Variants in MAJIN observed in about 807,000 individuals in gnomAD.
MAJIN encodes the protein membrane anchored junction protein, also known as membrane-anchored junction protein.
In MAJIN, 27 loss-of-function variants were observed where a neutral mutation model predicts 30.2. The observed-to-expected ratio is 0.89, with a 90% CI of 0.66 to 1.23. The LOEUF is 1.23. Among genes scored for constraint, MAJIN ranks in the 50% most tolerant of loss-of-function variants. The pLI is 0.00. For synonymous variants in MAJIN, 78 were observed against 91.6 expected (o/e 0.85, Z 0.85); for missense variants, 253 against 260.3 (o/e 0.97, Z 0.19).
At chr11:64,942,765 A>G (rs982807051) in intron 8 of MAJIN, among the ~76,000 whole-genome samples, 8 of 152,188 alleles carry the variant, frequency 5.3e-5, no homozygotes, top group Non-Finnish European at 7.4e-5. Context: ...TACCTTTTCT[A>G]TAGAGAGTGG....
intron 3 of MAJIN, among the ~76,000 whole-genome samples, chr11:64,956,676 T>C (rs1378374329): frequency 6.6e-6 from 1 of 151,380 alleles, no homozygotes; most frequent in Non-Finnish European, 1.5e-5. Flanking sequence ...TTGTCCAGTT[T>C]TGTCACAGGG....
intron 4 of MAJIN, among the ~76,000 whole-genome samples, chr11:64,950,727 G>A (rs535275965): frequency 3.3e-5 from 5 of 151,980 alleles, no homozygotes; most frequent in South Asian, 2.1e-4. Context: ...GACTACAGGC[G>A]TGCACCACCA....
At chr11:64,946,519 C>T (rs1377270033) in intron 8 of MAJIN, among the ~76,000 whole-genome samples, 2 of 152,230 alleles carry the variant, frequency 1.3e-5, no homozygotes, top group Non-Finnish European at 2.9e-5. Context: ...AGTACCCTCA[C>T]ATTCCACCTG....
intron 8 of MAJIN, among the ~76,000 whole-genome samples, chr11:64,941,067 T>C (rs1333400485): frequency 6.6e-6 from 1 of 152,042 alleles, no homozygotes; most frequent in Non-Finnish European, 1.5e-5. Context: ...CTCGATCTCC[T>C]GACCTCATGA....
At chr11:64,954,393 C>T (rs1472337385) in intron 4 of MAJIN, 2 of 381,526 alleles carry the variant, frequency 5.2e-6, no homozygotes, top group Non-Finnish European at 9.9e-6. Context: ...GTTTCCTGAA[C>T]GTCAAGTACC....
At chr11:64,971,353 G>C (rs1191100607) in intron 1 of MAJIN, among the ~76,000 whole-genome samples, 2 of 150,572 alleles carry the variant, frequency 1.3e-5, no homozygotes, top group Non-Finnish European at 2.9e-5. Context: ...CTTGAACCCA[G>C]GAGGCGGAGG....
At chr11:64,954,528 G>A in intron 4 of MAJIN, 1 of 635,424 alleles carries the variant, frequency 1.6e-6, no homozygotes, top group East Asian at 3.0e-5. Context: ...AAAACAAAAA[G>A]CTCTCAGCCT....
At chr11:64,971,668 C>G (rs2136849680) in intron 1 of MAJIN, among the ~76,000 whole-genome samples, 1 of 152,186 alleles carries the variant, frequency 6.6e-6, no homozygotes, top group African/African-American at 2.4e-5. Flanking sequence ...CCCGCGGCCT[C>G]CCCGTGGGAG....
In MAJIN at chr11:64,938,583, T is replaced by C; in HGVS notation, c.*2-10A>G. ...AAACGGGAAGAGAGAGCTGCAAGAA[T>C]GAGAACAGAGTAGGCTGAGACTCTA... is the stretch of plus-strand genomic sequence containing the variant. On this transcript the variant is annotated splice_polypyrimidine_tract_variant and intron_variant, in intron 10 of 10. Transcript: ENST00000301896. 1 of 1,535,632 alleles carries C rather than the reference T, an allele frequency of 6.5e-7. No homozygotes were observed. Among genetic ancestry groups the C allele is most frequent in the East Asian group, 2.4e-5 (1 of 40,908 alleles).
intron 8 of MAJIN, among the ~76,000 whole-genome samples, chr11:64,942,072 T>C (rs2136719073): frequency 6.6e-6 from 1 of 152,308 alleles, no homozygotes. Context: ...CCACAACATT[T>C]TCCAGTAAAC....
intron 8 of MAJIN, among the ~76,000 whole-genome samples, chr11:64,940,852 T>G (rs1200471247): frequency 1.4e-5 from 2 of 141,858 alleles, no homozygotes; most frequent in South Asian, 4.7e-4. Flanking sequence ...TTTTTTTTTT[T>G]TTTTGAGACT....
intron 8 of MAJIN, among the ~76,000 whole-genome samples, chr11:64,942,426 C>A (rs944505972): frequency 6.6e-6 from 1 of 151,954 alleles, no homozygotes; most frequent in African/African-American, 2.4e-5. Context: ...TTATCCCTCA[C>A]CCCCTTCCCA....
At chr11:64,941,667 AAAAC>A (rs1360839613) in intron 8 of MAJIN, among the ~76,000 whole-genome samples, 2 of 152,230 alleles carry the variant, frequency 1.3e-5, no homozygotes, top group African/African-American at 2.4e-5. Context: ...AAGAAAAAGA[AAAAC>A]AAAGAGTGTG....
chr11:64,940,594 A>C lies in MAJIN; in HGVS notation c.526T>G (p.Ser176Ala). 2 of 1,614,106 alleles carry C rather than the reference A, an allele frequency of 1.2e-6. No homozygotes were observed. Among genetic ancestry groups the C allele is most frequent in the Non-Finnish European group, 1.7e-6 (2 of 1,179,962 alleles). The change falls in exon 9 of 11, where the codon TCA (serine) becomes GCA (alanine). Residue 176 changes from serine (S) to alanine (A), a missense_variant. Coordinates refer to ENST00000301896, the MANE Select transcript of MAJIN (RefSeq NM_001037225.3). Reference sequence around the variant, plus strand: ...CCTACCTTGTTTCTGGACATCAGTGATATCAGAGGCCAGAGTCTCCTGCAA... The same window carrying C: ...CCTACCTTGTTTCTGGACATCAGTGCTATCAGAGGCCAGAGTCTCCTGCAA... ...KDCRRLWPLI[S>A]LMSRNKILSG...
chr11:64,947,448 T>C lies in MAJIN; in HGVS notation c.399A>G (p.Lys133=). The change falls in exon 8 of 11, where the codon AAA becomes AAG. Residue 133 remains lysine, a synonymous_variant. Transcript: ENST00000301896. ...GTTTCCTCATCACAGCTCCTACTGC[T>C]TTCTTCTCAACTGGGACCTTCAGGA... is the stretch of plus-strand genomic sequence containing the variant. The part of the protein sequence containing the change: ...SPLGLVPVEK[K]AVGAVMRKRK... The C allele has an allele frequency of 6.2e-7, 1 of 1,613,980 alleles. No homozygotes were observed. The highest frequency in any genetic ancestry group is 8.5e-7 in the Non-Finnish European group (1 of 1,180,022).
At chr11:64,967,179 G>A (rs532175922) in intron 1 of MAJIN, among the ~76,000 whole-genome samples, 3 of 151,370 alleles carry the variant, frequency 2.0e-5, no homozygotes, top group South Asian at 2.1e-4. Flanking sequence ...AGGCTGAGTC[G>A]GGCAGATCAC....
chr11:64,964,801 G>T (rs1467107019), intron 1 of MAJIN, among the ~76,000 whole-genome samples: 2 of 151,906 alleles, frequency 1.3e-5, no homozygotes, highest in East Asian at 1.9e-4. Flanking sequence ...TGCCAGGCTG[G>T]TCTCAAACTC....
At chr11:64,955,903 C>T (rs615502) in intron 3 of MAJIN, among the ~76,000 whole-genome samples, 74,917 of 152,118 alleles carry the variant, frequency 0.49, 20,101 homozygotes, top group Non-Finnish European at 0.62. Context: ...CAGTGGCTCA[C>T]GCCTGTTAAT....
At chr11:64,950,500 G>T in intron 4 of MAJIN, 70 bp from the exon 5 acceptor site, 2 of 1,339,964 alleles carry the variant, frequency 1.5e-6, no homozygotes, top group Non-Finnish European at 2.1e-6. Flanking sequence ...ATTTGTCACT[G>T]CTACTCACAT....
Sources: allele counts gnomAD v4.1 joint callset (sites outside exome capture counted in the v4.1 genomes callset), GRCh38; gene constraint gnomAD v4.1.1; transcripts MANE v1.5; gene names NCBI Gene and HGNC (gene_info 2026-07-23, HGNC 2026-07-21).